Variants in ADRA1B observed in about 807,000 individuals in gnomAD.
ADRA1B encodes alpha-1B adrenergic receptor.
In ADRA1B, 17 loss-of-function variants were observed where a neutral mutation model predicts 17.9. The observed-to-expected ratio is 0.95, with a 90% confidence interval of 0.65 to 1.42. ADRA1B has a LOEUF of 1.42. ADRA1B is among the 40% of genes most tolerant of loss of function. The pLI, the probability that ADRA1B is intolerant of heterozygous loss-of-function variation, is 0.00. For synonymous variants in ADRA1B, 366 were observed against 327.6 expected, an observed-to-expected ratio of 1.12 and a Z score of -1.27; for missense variants, 681 against 722.1, an observed-to-expected ratio of 0.94 and a Z score of 0.65.
chr5:159,916,960 G>C lies in ADRA1B; in HGVS notation c.55G>C (p.Glu19Gln), dbSNP rs775000405. The C allele has an allele frequency of 3.7e-6, 6 of 1,614,040 alleles. No homozygotes were observed. The East Asian group carries it at 1.3e-4, about 36-fold the overall frequency. ...CACATCAGCACCTGCCCACTGGGGA[G>C]AGTTGAAAAATGCCAACTTCACTGG... ...HNTSAPAHWGELKNANFTGPN... is the reference protein window; with the variant it reads ...HNTSAPAHWGQLKNANFTGPN... The change falls in exon 1 of 2, where the codon GAG (glutamate) becomes CAG (glutamine). Residue 19 changes from glutamate (E) to glutamine (Q), a missense_variant. Glu to Gln is a conservative substitution (Grantham distance 29, BLOSUM62 2). Transcript: ENST00000306675.
intron 1 of ADRA1B, among the ~76,000 whole-genome samples, chr5:159,939,326 C>CGT (rs1755058931): frequency 8.3e-6 from 1 of 120,616 alleles, no homozygotes; most frequent in East Asian, 2.1e-4. Flanking sequence ...TGTGTGTGCG[C>CGT]GCGCGCGCGC....
chr5:159,949,438 G>A (rs1755364045), intron 1 of ADRA1B, among the ~76,000 whole-genome samples: 1 of 152,182 alleles, frequency 6.6e-6, no homozygotes, highest in Non-Finnish European at 1.5e-5. Context: ...CGCAGAAAAT[G>A]TACATATGCA....
At chr5:159,910,553 G>A (rs1055262553) in intron 1 of ADRA1B, among the ~76,000 whole-genome samples, 2 of 152,178 alleles carry the variant, frequency 1.3e-5, no homozygotes, top group Non-Finnish European at 2.9e-5. Context: ...TTTCTGCAAA[G>A]GTCCAGGGAG....
At chr5:159,988,808 C>G in the ADRA1B span, among the ~76,000 whole-genome samples, 310 of 152,248 alleles carry the variant, frequency 2.0e-3, 8 homozygotes, top group Admixed American at 0.019. Context: ...AAGACCCCAT[C>G]TCTACAAAAA....
At chr5:159,900,844 G>C (rs938054481) in intron 1 of ADRA1B, among the ~76,000 whole-genome samples, 1 of 152,228 alleles carries the variant, frequency 6.6e-6, no homozygotes, top group Non-Finnish European at 1.5e-5. Flanking sequence ...CATAAGGACT[G>C]TGGATTGCTT....
intron 1 of ADRA1B, among the ~76,000 whole-genome samples, chr5:159,939,405 G>A (rs1056092905): frequency 6.6e-6 from 1 of 151,604 alleles, no homozygotes; most frequent in African/African-American, 2.4e-5. Context: ...TCTTTGCAAA[G>A]ATCTTCCTAG....
chr5:159,977,706 A>G (rs1755993986), downstream of ADRA1B, among the ~76,000 whole-genome samples: 1 of 152,198 alleles, frequency 6.6e-6, no homozygotes, highest in Admixed American at 6.5e-5. Flanking sequence ...TCAGAGGTTA[A>G]GTGTCCAAGC....
At chr5:159,973,312 T>C (rs1755922356), downstream of ADRA1B, among the ~76,000 whole-genome samples, 1 of 152,190 alleles carries the variant, frequency 6.6e-6, no homozygotes, top group Non-Finnish European at 1.5e-5. Context: ...TTTTGACCCT[T>C]AGCAGAATCT....
At chr5:159,937,357 C>A (rs550869032) in intron 1 of ADRA1B, among the ~76,000 whole-genome samples, 11 of 152,250 alleles carry the variant, frequency 7.2e-5, no homozygotes, top group African/African-American at 2.6e-4. Flanking sequence ...ACAACTTGCC[C>A]AGGGTCATAC....
intron 1 of ADRA1B, among the ~76,000 whole-genome samples, chr5:159,970,460 A>G (rs1218858930): frequency 6.6e-6 from 1 of 151,998 alleles, no homozygotes; most frequent in Non-Finnish European, 1.5e-5. Context: ...GAATGCATCT[A>G]CCCCATTCTA....
chr5:159,899,569 C>T (rs781320555), intron 1 of ADRA1B, among the ~76,000 whole-genome samples: 3 of 152,186 alleles, frequency 2.0e-5, no homozygotes, highest in Admixed American at 2.0e-4. Context: ...TATGCCCATA[C>T]TGACAGTGCT....
chr5:159,891,359 C>T (rs796951354), intron 1 of ADRA1B, among the ~76,000 whole-genome samples: 3 of 152,232 alleles, frequency 2.0e-5, no homozygotes, highest in African/African-American at 7.2e-5. Flanking sequence ...TCACTTACAC[C>T]ACTCTTCCCC....
chr5:159,959,561 C>T (rs1325418432), intron 1 of ADRA1B, among the ~76,000 whole-genome samples: 1 of 152,176 alleles, frequency 6.6e-6, no homozygotes. Flanking sequence ...GACTTTTAAT[C>T]TGGGGACTGT....
At chr5:159,883,674 T>G (rs1217575898) in intron 1 of ADRA1B, among the ~76,000 whole-genome samples, 1 of 152,172 alleles carries the variant, frequency 6.6e-6, no homozygotes, top group Non-Finnish European at 1.5e-5. Context: ...ACACATAATG[T>G]CCAAAGTTAC....
chr5:159,891,643 C>T (rs988246818), intron 1 of ADRA1B, among the ~76,000 whole-genome samples: 3 of 152,108 alleles, frequency 2.0e-5, no homozygotes, highest in African/African-American at 7.2e-5. Context: ...TGCTTTTAAC[C>T]CTCGGGCAAA....
At chr5:159,883,382 T>A (rs888677885) in intron 1 of ADRA1B, among the ~76,000 whole-genome samples, 3 of 152,232 alleles carry the variant, frequency 2.0e-5, no homozygotes, top group Non-Finnish European at 2.9e-5. Flanking sequence ...GAGGGCAAGA[T>A]GCAGAAAGTG....
chr5:159,935,177 T>C (rs76615609), intron 1 of ADRA1B, among the ~76,000 whole-genome samples: 4,866 of 152,240 alleles, frequency 0.032, 108 homozygotes, highest in Middle Eastern at 0.048. Context: ...TCGGGAAAAT[T>C]GTCTGTTAAA....
intron 1 of ADRA1B, among the ~76,000 whole-genome samples, chr5:159,887,881 G>A (rs1487129861): frequency 2.0e-5 from 3 of 152,134 alleles, no homozygotes; most frequent in Non-Finnish European, 4.4e-5. Context: ...AAGGGTTTGG[G>A]GATGAGAGAG....
At chr5:159,894,884 T>C (rs890662120) in intron 1 of ADRA1B, among the ~76,000 whole-genome samples, 1 of 152,202 alleles carries the variant, frequency 6.6e-6, no homozygotes, top group African/African-American at 2.4e-5. Flanking sequence ...GCATTCCCTA[T>C]GCTCCTTTTA....
Sources: gnomAD v4.1 joint callset for allele counts (sites outside exome capture counted in the v4.1 genomes callset) on GRCh38, gnomAD v4.1.1 for gene constraint, MANE v1.5 for transcripts, NCBI Gene and HGNC (gene_info 2026-07-23, HGNC 2026-07-21) for gene names.